The following MDGA2 variants were observed in gnomAD, a reference collection of about 807,000 sequenced individuals.
The protein encoded by MDGA2 is MAM domain-containing glycosylphosphatidylinositol anchor protein 2.
In MDGA2, 40 loss-of-function variants were observed where a neutral mutation model predicts 117.8. The ratio of observed to expected loss-of-function variants is 0.34; its 90% CI spans 0.26 to 0.44. MDGA2 has a LOEUF of 0.44. Ranked by LOEUF, MDGA2 falls within the 20% of genes least tolerant of loss-of-function variation. The pLI is 1.00. For synonymous variants in MDGA2, 452 were observed against 439.0 expected (o/e 1.03, Z -0.37); for missense variants, 1,123 against 1,250.6 (o/e 0.90, Z 1.54).
intron 8 of MDGA2, among the ~76,000 whole-genome samples, chr14:46,982,577 C>G (rs1345520403): frequency 1.3e-5 from 2 of 151,314 alleles, no homozygotes; most frequent in Non-Finnish European, 2.9e-5. Flanking sequence ...GGTGTGGTGG[C>G]ACATGCTTGT....
intron 1 of MDGA2, among the ~76,000 whole-genome samples, chr14:47,352,786 C>A (rs1008075338): frequency 6.6e-6 from 1 of 152,014 alleles, no homozygotes; most frequent in Non-Finnish European, 1.5e-5. Flanking sequence ...ATTTCGAGAG[C>A]ATTTGAGGAG....
rs541870936 is a variant in MDGA2 at position 47,529,147 on chromosome 14, C to T, written c.280+145370G>A. The stretch of plus-strand genomic sequence containing the variant: ...CTGAGTAGCTGGGACTACAGATGCC[C>T]GCCACCACACCTGGCTAATTTTTTT... On this transcript the variant is annotated intron_variant, in intron 1 of 16. Coordinates refer to ENST00000399232, the MANE Select transcript of MDGA2 (RefSeq NM_001113498.3). Among the ~76,000 whole-genome samples the T allele has an allele frequency of 1.1e-4, 17 of 152,066 alleles. No homozygotes were observed. The South Asian group carries it at 1.7e-3, about 15-fold the overall frequency.
At chr14:46,956,084 A>G (rs2138626495) in intron 9 of MDGA2, among the ~76,000 whole-genome samples, 1 of 152,266 alleles carries the variant, frequency 6.6e-6, no homozygotes, top group South Asian at 2.1e-4. Flanking sequence ...TCAGAAAGCA[A>G]AAATGGCGAA....
intron 1 of MDGA2, among the ~76,000 whole-genome samples, chr14:47,660,990 G>T (rs1285915724): frequency 6.6e-6 from 1 of 152,036 alleles, no homozygotes; most frequent in Non-Finnish European, 1.5e-5. Flanking sequence ...AAACCATATG[G>T]TATAAAGTGC....
chr14:47,466,938 A>G (rs1454403441), intron 1 of MDGA2, among the ~76,000 whole-genome samples: 3 of 152,136 alleles, frequency 2.0e-5, no homozygotes, highest in Non-Finnish European at 4.4e-5. Flanking sequence ...GGAGTTGAAG[A>G]GAGAACAAGA....
chr14:46,864,545 G>GTTTTTTTTTATTTTTTTTTTTTTTTTTTT (rs1881653858), intron 14 of MDGA2, among the ~76,000 whole-genome samples: 1 of 51,472 alleles, frequency 1.9e-5, no homozygotes, highest in Non-Finnish European at 3.9e-5. Context: ...AGATATTGCT[G>GTTTTTTTTTATTTTTTTTTTTTTTTTTTT]TTTTTTTTTT....
At chr14:46,981,141 T>C (rs111438491) in intron 8 of MDGA2, among the ~76,000 whole-genome samples, 30,525 of 149,378 alleles carry the variant, frequency 0.2, 3,573 homozygotes, top group African/African-American at 0.32. Flanking sequence ...CGGTGGCTCA[T>C]GCCTGTAATC....
At chr14:47,657,807 C>T (rs1897772041) in intron 1 of MDGA2, among the ~76,000 whole-genome samples, 1 of 152,136 alleles carries the variant, frequency 6.6e-6, no homozygotes, top group Non-Finnish European at 1.5e-5. Flanking sequence ...TTTGAAGGAG[C>T]AGCATTAATT....
intron 12 of MDGA2, 42 bp from the exon 13 acceptor site, chr14:46,874,242 TACAC>T: frequency 1.0e-6 from 1 of 956,832 alleles, no homozygotes; most frequent in Non-Finnish European, 1.4e-6. Context: ...ATTAAATTAA[TACAC>T]ATACTGCAAT....
In MDGA2 at chr14:47,511,831, G is replaced by A. The variant is rs536488293; in HGVS notation, c.280+162686C>T. Among the ~76,000 whole-genome samples, 381 of 152,248 alleles carry A rather than the reference G, an allele frequency of 2.5e-3. 2 individuals are homozygous for A. The highest frequency in any genetic ancestry group is 0.016 in the South Asian group (78 of 4,828). ...AGGAAGTCTATCTTCATTGAATTGA[G>A]GAGAAAGGAAGAGCAGGAAGACAGT... On this transcript the variant is annotated intron_variant, in intron 1 of 16. Coordinates refer to ENST00000399232, the MANE Select transcript of MDGA2 (RefSeq NM_001113498.3).
At chr14:47,644,272 C>A (rs1027787383) in intron 1 of MDGA2, among the ~76,000 whole-genome samples, 2 of 152,042 alleles carry the variant, frequency 1.3e-5, no homozygotes, top group African/African-American at 2.4e-5. Flanking sequence ...TTGGATCATC[C>A]AATTGGGCTC....
intron 1 of MDGA2, among the ~76,000 whole-genome samples, chr14:47,667,575 G>A (rs574426342): frequency 6.6e-6 from 1 of 152,274 alleles, no homozygotes; most frequent in African/African-American, 2.4e-5. Flanking sequence ...CAAAGTTCTA[G>A]TGGCTTCAGA....
At chr14:47,673,632 A>ATGTGTGTGTGTG (rs10528657) in intron 1 of MDGA2, among the ~76,000 whole-genome samples, 7,140 of 143,968 alleles carry the variant, frequency 0.05, 224 homozygotes, top group Non-Finnish European at 0.06. Flanking sequence ...TATGACCTGG[A>ATGTGTGTGTGTG]TGTGTGTGTG....
intron 8 of MDGA2, among the ~76,000 whole-genome samples, chr14:46,963,555 T>C (rs1885894789): frequency 6.6e-6 from 1 of 152,236 alleles, no homozygotes; most frequent in African/African-American, 2.4e-5. Context: ...AAGTCTTTTG[T>C]AGACTTTAGA....
At chr14:47,238,319 A>C (rs1886930223) in intron 2 of MDGA2, among the ~76,000 whole-genome samples, 1 of 152,108 alleles carries the variant, frequency 6.6e-6, no homozygotes, top group African/African-American at 2.4e-5. Context: ...ATGTGGGCTG[A>C]GATTGTGTAG....
chr14:47,265,440 T>G (rs1887934970), intron 2 of MDGA2, among the ~76,000 whole-genome samples: 1 of 152,132 alleles, frequency 6.6e-6, no homozygotes. Context: ...ATCTCCATGA[T>G]AGCAAAATTC....
intron 2 of MDGA2, among the ~76,000 whole-genome samples, chr14:47,243,386 A>G (rs1474700967): frequency 6.6e-6 from 1 of 151,756 alleles, no homozygotes; most frequent in East Asian, 1.9e-4. Context: ...TGCCCAAGCC[A>G]GCATTGGCAA....
At chr14:47,307,046 G>A (rs759563932) in intron 1 of MDGA2, among the ~76,000 whole-genome samples, 7 of 152,070 alleles carry the variant, frequency 4.6e-5, no homozygotes, top group Non-Finnish European at 8.8e-5. Flanking sequence ...GTGATCATAC[G>A]CTTTCATAAA....
chr14:47,149,987 C>T lies in MDGA2; in HGVS notation c.596-5713G>A, dbSNP rs527922396. On this transcript the variant is annotated intron_variant, in intron 3 of 16. Transcript: ENST00000399232. ...TCCTGTCTTAGAAGCCCAACAATTC[C>T]AGAGCCAAGTAATGTCATCTATTGA... Among the ~76,000 whole-genome samples, 60 of 152,280 alleles carry T rather than the reference C, an allele frequency of 3.9e-4. No individual in the cohort carries two copies. The South Asian group carries it at 7.7e-3, about 19-fold the overall frequency.
Sources: gnomAD v4.1 joint callset for allele counts (sites outside exome capture counted in the v4.1 genomes callset) on GRCh38, gnomAD v4.1.1 for gene constraint, MANE v1.5 for transcripts, NCBI Gene and HGNC (gene_info 2026-07-23, HGNC 2026-07-21) for gene names.